Variants in CAMK4 observed in about 807,000 individuals in gnomAD.
CAMK4 encodes the protein calcium/calmodulin-dependent protein kinase type IV.
CAMK4 carries 22 observed loss-of-function variants against 44.9 expected under a neutral mutation model. The observed-to-expected ratio is 0.49, with a 90% confidence interval of 0.35 to 0.70. The LOEUF is 0.70. Ranked by LOEUF, CAMK4 falls within the 30% of genes least tolerant of loss-of-function variation. The pLI, the probability that CAMK4 is intolerant of heterozygous loss-of-function variation, is 0.01. For missense variants in CAMK4, 498 were observed against 586.8 expected (o/e 0.85, Z 1.56); for synonymous variants, 218 against 215.4 (o/e 1.01, Z -0.11).
At chr5:111,407,809 A>G (rs1188660801) in intron 5 of CAMK4, among the ~76,000 whole-genome samples, 2 of 152,162 alleles carry the variant, frequency 1.3e-5, no homozygotes, top group Non-Finnish European at 2.9e-5. Flanking sequence ...TACCTACTGC[A>G]GGCCACAAGA....
At chr5:111,262,701 G>A (rs549817861) in intron 1 of CAMK4, among the ~76,000 whole-genome samples, 5 of 152,138 alleles carry the variant, frequency 3.3e-5, no homozygotes, top group East Asian at 1.9e-4. Context: ...CAATGAAATC[G>A]GTTATGCAAT....
intron 2 of CAMK4, among the ~76,000 whole-genome samples, chr5:111,360,803 C>T (rs1233789792): frequency 6.6e-6 from 1 of 151,998 alleles, no homozygotes; most frequent in East Asian, 1.9e-4. Context: ...TGTTAAAATG[C>T]TACCTCAGAA....
intron 1 of CAMK4, among the ~76,000 whole-genome samples, chr5:111,250,818 A>T (rs1266608995): frequency 6.6e-6 from 1 of 152,116 alleles, no homozygotes; most frequent in African/African-American, 2.4e-5. Flanking sequence ...ATTTTAAAAA[A>T]GTTTATGTAG....
intron 1 of CAMK4, among the ~76,000 whole-genome samples, chr5:111,273,140 A>G (rs775076292): frequency 6.6e-5 from 10 of 152,134 alleles, no homozygotes; most frequent in African/African-American, 1.4e-4. Context: ...CTCTGCACCA[A>G]TAGTCACTGA....
At chr5:111,354,822 A>G (rs1750266150) in intron 2 of CAMK4, among the ~76,000 whole-genome samples, 1 of 129,732 alleles carries the variant, frequency 7.7e-6, no homozygotes, top group African/African-American at 2.5e-5. Flanking sequence ...GAGATCCTCT[A>G]CACTTTGCCA....
At chr5:111,356,821 C>T (rs905513309) in intron 2 of CAMK4, among the ~76,000 whole-genome samples, 35 of 150,050 alleles carry the variant, frequency 2.3e-4, no homozygotes, top group Admixed American at 1.7e-3. Context: ...TGTAGATATG[C>T]GGCGTTATTT....
chr5:111,291,335 G>A (rs1412049978), intron 1 of CAMK4, among the ~76,000 whole-genome samples: 1 of 151,850 alleles, frequency 6.6e-6, no homozygotes, highest in Non-Finnish European at 1.5e-5. Flanking sequence ...CAAAAAAGTT[G>A]ATAAATGTCT....
intron 5 of CAMK4, among the ~76,000 whole-genome samples, chr5:111,436,604 C>T (rs1257562484): frequency 6.6e-6 from 1 of 152,188 alleles, no homozygotes; most frequent in Non-Finnish European, 1.5e-5. Context: ...CCAGCAGCAA[C>T]CTTGGCCATC....
chr5:111,415,332 AACTGT>A (rs1298300094), intron 5 of CAMK4, among the ~76,000 whole-genome samples: 3 of 152,198 alleles, frequency 2.0e-5, no homozygotes, highest in Non-Finnish European at 4.4e-5. Flanking sequence ...TTATCAGATC[AACTGT>A]GGCAGTATGG....
chr5:111,475,130 T>A lies in CAMK4; in HGVS notation c.701+1744T>A, dbSNP rs185695790. Among the ~76,000 whole-genome samples the A allele has an allele frequency of 1.9e-3, 292 of 152,094 alleles. 2 individuals carry two copies. Among genetic ancestry groups the A allele is most frequent in the Non-Finnish European group, 1.0e-3 (70 of 67,994 alleles). ...GTGAGCTGAGATCTTGCCACTGCAC[T>A]CCAGCCTGGGTGATAGAACTCCGAC... On this transcript the variant is annotated intron_variant, in intron 8 of 10. Transcript: ENST00000282356.
At chr5:111,268,874 G>C (rs1056352987) in intron 1 of CAMK4, among the ~76,000 whole-genome samples, 1 of 152,062 alleles carries the variant, frequency 6.6e-6, no homozygotes, top group Non-Finnish European at 1.5e-5. Context: ...GGAACATAAA[G>C]ATCTATTGAA....
intron 4 of CAMK4, 36 bp from the exon 5 acceptor site, chr5:111,394,674 T>C (rs2112861407): frequency 3.6e-6 from 5 of 1,394,752 alleles, no homozygotes; most frequent in Non-Finnish European, 5.1e-6. Flanking sequence ...TCTGAATGAA[T>C]GTGCCTGAGA....
intron 5 of CAMK4, among the ~76,000 whole-genome samples, chr5:111,436,680 C>T (rs576902698): frequency 1.7e-4 from 26 of 152,300 alleles, no homozygotes; most frequent in African/African-American, 6.0e-4. Flanking sequence ...TGAACTTGCC[C>T]ACTTCTCCCT....
chr5:111,336,168 T>C (rs1749393541), intron 1 of CAMK4, among the ~76,000 whole-genome samples: 1 of 151,280 alleles, frequency 6.6e-6, no homozygotes, highest in Non-Finnish European at 1.5e-5. Flanking sequence ...ATGTTATAAA[T>C]GGATAGACAT....
chr5:111,486,308 A>G lies in CAMK4; in HGVS notation c.*1842A>G, dbSNP rs1166428107. 2 of 151,930 alleles carry G rather than the reference A, an allele frequency of 1.3e-5. No homozygotes were observed. The highest frequency in any genetic ancestry group is 2.9e-5 in the Non-Finnish European group (2 of 67,996). The allele number at this position is 151,930 out of a possible 1,614,324, so 9.4% of individuals were successfully genotyped here. A position where few individuals can be genotyped will look rare whatever the true frequency, so the allele number is the denominator to read the frequency against. On this transcript the variant is annotated 3_prime_UTR_variant, in exon 11 of 11. Transcript: ENST00000282356. ...TTTTTTGTTTTGTTTTATTTGTACTATCTAGTAGAGAGCACTTTTCTTATT... is the reference window on the plus strand; with the variant it reads ...TTTTTTGTTTTGTTTTATTTGTACTGTCTAGTAGAGAGCACTTTTCTTATT...
chr5:111,415,347 G>C (rs1037152996), intron 5 of CAMK4, among the ~76,000 whole-genome samples: 1 of 152,128 alleles, frequency 6.6e-6, no homozygotes, highest in East Asian at 1.9e-4. Context: ...TGGCAGTATG[G>C]CAGTGCTTTT....
intron 1 of CAMK4, among the ~76,000 whole-genome samples, chr5:111,329,332 C>T (rs887784183): frequency 6.6e-5 from 10 of 151,846 alleles, no homozygotes; most frequent in Non-Finnish European, 5.9e-5. Flanking sequence ...CAGGGATGCC[C>T]TCTCTCACCA....
intron 1 of CAMK4, among the ~76,000 whole-genome samples, chr5:111,337,612 A>C (rs73788806): frequency 2.0e-5 from 3 of 150,836 alleles, no homozygotes; most frequent in Admixed American, 6.6e-5. Flanking sequence ...AATAATTGCA[A>C]TTTGGGGTGT....
At chr5:111,385,664 C>T (rs192120061) in intron 4 of CAMK4, among the ~76,000 whole-genome samples, 4 of 152,210 alleles carry the variant, frequency 2.6e-5, no homozygotes, top group Admixed American at 1.3e-4. Flanking sequence ...AACTCCACCT[C>T]CCGGGTTCAC....
Sources: allele counts gnomAD v4.1 joint callset (sites outside exome capture counted in the v4.1 genomes callset), GRCh38; gene constraint gnomAD v4.1.1; transcripts MANE v1.5; gene names NCBI Gene and HGNC (gene_info 2026-07-23, HGNC 2026-07-21).